RHOC: variants seen among roughly 807,000 people sequenced by gnomAD.
The protein encoded by RHOC is rho-related GTP-binding protein RhoC.
RHOC carries 13 observed loss-of-function variants against 19.5 expected under a neutral mutation model. The observed-to-expected ratio is 0.67, with a 90% confidence interval of 0.43 to 1.06. RHOC has a LOEUF of 1.06. Among genes scored for constraint, RHOC ranks in the 50% least tolerant of loss-of-function variants. The pLI is 0.00. For missense variants in RHOC, 173 were observed against 256.9 expected (o/e 0.67, Z 2.23); for synonymous variants, 106 against 97.3 (o/e 1.09, Z -0.52).
Position 112,701,413 on chromosome 1 carries a change from G to C in RHOC, c.*127C>G. On this transcript the variant is annotated 3_prime_UTR_variant, in exon 6 of 6. Coordinates refer to ENST00000339083, the MANE Select transcript of RHOC (RefSeq NM_175744.5). ...CACCTCGGGGCTAGAAAACAATGCA[G>C]TCCTGGGCAGGAGGGAACTGAAAAT... 1 of 1,593,104 alleles carries C rather than the reference G, an allele frequency of 6.3e-7. No homozygotes were observed. Among genetic ancestry groups the C allele is most frequent in the East Asian group, 2.3e-5 (1 of 43,698 alleles).
At position 112,703,107 on chromosome 1, in the gene RHOC, G is replaced by A. The variant is rs144894067; in HGVS notation, c.169C>T (p.Leu57=). ...EVDGKQVELA[L]WDTAGQEDYD... is the part of the protein sequence containing the mutation. ...TCTTCCTGCCCTGCTGTGTCCCACA[G>A]AGCCAGCTCCACCTGACACACAGGG... The change falls in exon 4 of 6, where the codon CTG becomes TTG. Residue 57 remains leucine, a synonymous_variant. Transcript: ENST00000339083. The A allele has an allele frequency of 1.9e-6, 3 of 1,614,014 alleles. No individual in the cohort carries two copies. Among genetic ancestry groups the A allele is most frequent in the African/African-American group, 2.7e-5 (2 of 74,940 alleles).
chr1:112,703,872 C>G lies in RHOC; in HGVS notation c.-7-66G>C, dbSNP rs1182718185. On this transcript the variant is annotated intron_variant, in intron 2 of 5. Transcript: ENST00000339083. ...TAAGTCCAAAAACACTTCTCTAGGG[C>G]CCCCAAACCTCCCTGGAAACCGAGG... The G allele has an allele frequency of 5.4e-6, 8 of 1,470,430 alleles. No homozygotes were observed. The Admixed American group carries it at 1.7e-4, about 31-fold the overall frequency. 91.1% of individuals were successfully genotyped at this position (1,470,430 alleles called of 1,614,324 possible).
chr1:112,704,887 A>C, intron 2 of RHOC: 1 of 589,812 alleles, frequency 1.7e-6, no homozygotes, highest in Non-Finnish European at 3.0e-6. Context: ...TCCACCAGGG[A>C]ATCACCTCCA....
At position 112,701,246 on chromosome 1, in the gene RHOC, C is replaced by T. The variant is rs1674614002; in HGVS notation, c.*294G>A. On this transcript the variant is annotated 3_prime_UTR_variant, in exon 6 of 6. Transcript: ENST00000339083. ...CTGGGTCCCCTACTGCAGACACTTTCCTGTGAGCCAGAAGTGTATAAAGTG... is the reference window on the plus strand; with the variant it reads ...CTGGGTCCCCTACTGCAGACACTTTTCTGTGAGCCAGAAGTGTATAAAGTG... The T allele has an allele frequency of 1.4e-6, 1 of 734,862 alleles. No homozygotes were observed. Among genetic ancestry groups the T allele is most frequent in the African/African-American group, 1.8e-5 (1 of 56,344 alleles). 45.5% of individuals were successfully genotyped at this position (734,862 alleles called of 1,614,324 possible).
rs138756182 is a variant in RHOC at position 112,701,679 on chromosome 1, G to A, written c.443C>T (p.Ala148Val). 666 of 1,613,854 alleles carry A rather than the reference G, an allele frequency of 4.1e-4. No individual in the cohort carries two copies. Among genetic ancestry groups the A allele is most frequent in the Non-Finnish European group, 5.2e-4 (611 of 1,179,994 alleles). The change falls in exon 6 of 6, where the codon GCG (alanine) becomes GTG (valine). Residue 148 changes from alanine to valine, a missense_variant. Ala to Val is a moderately conservative substitution (Grantham distance 64). Coordinates refer to ENST00000339083, the MANE Select transcript of RHOC (RefSeq NM_175744.5). ...PVRSEEGRDM[A>V]NRISAFGYLE... ...GTAGCCAAAGGCACTGATCCGGTTC[G>A]CCATGTCCCGGCCTTCCTCAGACCG...
intron 5 of RHOC, 74 bp downstream of exon 5, chr1:112,702,489 T>C: frequency 6.6e-7 from 1 of 1,524,566 alleles, no homozygotes; most frequent in South Asian, 1.2e-5. Context: ...TGGAGAGAAG[T>C]TCCCTTTGCC....
Position 112,702,581 on chromosome 1 carries a change from C to T in RHOC, c.390G>A (p.Glu130=). 6.2e-7 allele frequency: 1 copy of T among 1,614,128 alleles called. No individual in the cohort carries two copies. Among genetic ancestry groups the T allele is most frequent in the Non-Finnish European group, 8.5e-7 (1 of 1,179,976 alleles). ...TACCCACCTGCTTCATCTTGGCCAGCTCTCTCCTGGTGTGCTCGTCTTGCC... is the reference window on the plus strand; with the variant it reads ...TACCCACCTGCTTCATCTTGGCCAGTTCTCTCCTGGTGTGCTCGTCTTGCC... The part of the protein sequence containing the change: ...DLRQDEHTRR[E]LAKMKQEPVR... The change falls in exon 5 of 6, where the codon GAG becomes GAA. Residue 130 remains glutamate (E), a synonymous_variant. Coordinates refer to ENST00000339083, the MANE Select transcript of RHOC (RefSeq NM_175744.5).
rs1557778767 is a variant in RHOC at position 112,703,114 on chromosome 1, CTCCACCTGACACACAGGGCCAGT to C, written c.157-18_161del. The C allele has an allele frequency of 6.2e-7, 1 of 1,614,050 alleles. No individual in the cohort carries two copies. ...GCCCTGCTGTGTCCCACAGAGCCAGCTCCACCTGACACACAGGGCCAGTGAGTAGCTGGCCTGAGGGCCCCAAC... is the reference window on the plus strand; with the variant it reads ...GCCCTGCTGTGTCCCACAGAGCCAGCGAGTAGCTGGCCTGAGGGCCCCAAC... On this transcript the variant is annotated splice_acceptor_variant and splice_polypyrimidine_tract_variant and coding_sequence_variant and intron_variant, in exon 4 of 6. Transcript: ENST00000339083. LOFTEE classifies it high-confidence loss of function.
chr1:112,704,954 A>AC, intron 2 of RHOC, 146 bp downstream of exon 2: 1 of 629,866 alleles, frequency 1.6e-6, no homozygotes, highest in East Asian at 2.8e-5. Context: ...TGCCCTGCCC[A>AC]CCCCTCCCTG....
At chr1:112,705,763 C>T in intron 1 of RHOC, 1 of 432,430 alleles carries the variant, frequency 2.3e-6, no homozygotes, top group South Asian at 1.6e-5. Flanking sequence ...TGGGGTAGCC[C>T]CAACCTGGGG....
In RHOC at chr1:112,701,175, T is replaced by C. The variant is rs776061300; in HGVS notation, c.*365A>G. Reference sequence around the variant, plus strand: ...TTCATGCCCCCCTGACCAAATGCAGTGAGAGACAAGGCCCCTGCCGAAAAC... The same window carrying C: ...TTCATGCCCCCCTGACCAAATGCAGCGAGAGACAAGGCCCCTGCCGAAAAC... On this transcript the variant is annotated 3_prime_UTR_variant, in exon 6 of 6. Coordinates refer to ENST00000339083, the MANE Select transcript of RHOC (RefSeq NM_175744.5). 7.0e-5 allele frequency: 38 copies of C among 539,956 alleles called. No individual in the cohort carries two copies. Among genetic ancestry groups the C allele is most frequent in the Non-Finnish European group, 1.1e-4 (34 of 304,418 alleles). The allele number at this position is 539,956 out of a possible 1,614,324, so 33.4% of individuals were successfully genotyped here. A position where few individuals can be genotyped will look rare whatever the true frequency, so the allele number is the denominator to read the frequency against.
Position 112,701,415 on chromosome 1 carries a change from C to A in RHOC, c.*125G>T. ...CCTCGGGGCTAGAAAACAATGCAGTCCTGGGCAGGAGGGAACTGAAAATGG... is the reference window on the plus strand; with the variant it reads ...CCTCGGGGCTAGAAAACAATGCAGTACTGGGCAGGAGGGAACTGAAAATGG... On this transcript the variant is annotated 3_prime_UTR_variant, in exon 6 of 6. Coordinates refer to ENST00000339083, the MANE Select transcript of RHOC (RefSeq NM_175744.5). The A allele has an allele frequency of 6.3e-7, 1 of 1,595,300 alleles. No homozygotes were observed. Among genetic ancestry groups the A allele is most frequent in the Non-Finnish European group, 8.5e-7 (1 of 1,170,886 alleles).
At chr1:112,705,299 T>C in intron 1 of RHOC, 131 bp from the exon 2 acceptor site, 1 of 653,888 alleles carries the variant, frequency 1.5e-6, no homozygotes, top group Non-Finnish European at 2.8e-6. Context: ...GATCTCAGCC[T>C]CAAACCTAGC....
At chr1:112,706,493 CACACACACACACA>C (rs1674887151) in intron 1 of RHOC, among the ~76,000 whole-genome samples, 8 of 31,264 alleles carry the variant, frequency 2.6e-4, no homozygotes, top group African/African-American at 7.9e-4. Context: ...CACACACACA[CACACACACACACA>C]CACACACACA....
intron 1 of RHOC, among the ~76,000 whole-genome samples, chr1:112,706,454 CACACACACACCACACACACACACACA>C (rs1674858009): frequency 4.1e-4 from 39 of 95,390 alleles, no homozygotes; most frequent in African/African-American, 1.4e-3. Flanking sequence ...CACACACACA[CACACACACACCACACACACACACACA>C]CACACACACA....
intron 1 of RHOC, among the ~76,000 whole-genome samples, chr1:112,706,470 A>AC (rs1341130036): frequency 3.7e-3 from 11 of 2,980 alleles, no homozygotes; most frequent in African/African-American, 6.7e-3. Context: ...CACACCACAC[A>AC]CACACACACA....
At chr1:112,706,541 G>A (rs989487572) in intron 1 of RHOC, among the ~76,000 whole-genome samples, 1 of 97,532 alleles carries the variant, frequency 1.0e-5, no homozygotes, top group African/African-American at 4.0e-5. Context: ...CACACACAGA[G>A]TTGGATCCTT....
At position 112,701,482 on chromosome 1, in the gene RHOC, G is replaced by A; in HGVS notation, c.*58C>T. 1.2e-6 allele frequency: 2 copies of A among 1,613,930 alleles called. No homozygotes were observed. The highest frequency in any genetic ancestry group is 1.7e-6 in the Non-Finnish European group (2 of 1,179,852). On this transcript the variant is annotated 3_prime_UTR_variant, in exon 6 of 6. Transcript: ENST00000339083. Reference sequence around the variant, plus strand: ...GCCCTCAGGAGGCTGGGGTTGTAGGGGGATAATTTCTGTACCCCTGTGAAG... The same window carrying A: ...GCCCTCAGGAGGCTGGGGTTGTAGGAGGATAATTTCTGTACCCCTGTGAAG...
chr1:112,703,653 G>C lies in RHOC; in HGVS notation c.147C>G (p.Asp49Glu), dbSNP rs775687775. The change falls in exon 3 of 6, where the codon GAC becomes GAG. Residue 49 changes from aspartate to glutamate, a missense_variant. Physicochemically the swap from Asp to Glu is conservative, Grantham distance 45. Coordinates refer to ENST00000339083, the MANE Select transcript of RHOC (RefSeq NM_175744.5). ...GCATTTCTGCCTTCACCTGCTTGCC[G>C]TCCACCTCAATGTCCGCAATATAGT... Reference protein sequence around the residue: ...FENYIADIEVDGKQVELALWD... With the variant: ...FENYIADIEVEGKQVELALWD... 4.3e-6 allele frequency: 7 copies of C among 1,612,304 alleles called. No individual in the cohort carries two copies. In the Admixed American group the frequency reaches 1.2e-4, roughly 27 times the overall value.
Sources: gnomAD v4.1 joint callset for allele counts (sites outside exome capture counted in the v4.1 genomes callset) on GRCh38, gnomAD v4.1.1 for gene constraint, MANE v1.5 for transcripts, NCBI Gene and HGNC (gene_info 2026-07-23, HGNC 2026-07-21) for gene names.